Variants in DHX57 observed in about 807,000 individuals in gnomAD.
DHX57 encodes DExH-box helicase 57, also known as putative ATP-dependent RNA helicase DHX57.
DHX57 carries 105 observed loss-of-function variants against 156.2 expected under a neutral mutation model. The observed-to-expected ratio is 0.67, with a 90% CI of 0.57 to 0.79. The LOEUF is 0.79. Among genes scored for constraint, DHX57 ranks in the 30% least tolerant of loss-of-function variants. The pLI, the probability that DHX57 is intolerant of heterozygous loss-of-function variation, is 0.00. For missense variants in DHX57, 1,847 were observed against 1,661.9 expected (o/e 1.11, Z -1.94); for synonymous variants, 704 against 595.6 (o/e 1.18, Z -2.65).
At chr2:38,804,923 T>G (rs1669870107) in intron 22 of DHX57, among the ~76,000 whole-genome samples, 1 of 152,204 alleles carries the variant, frequency 6.6e-6, no homozygotes, top group African/African-American at 2.4e-5. Context: ...TTTATAGCAT[T>G]ACCTGAGATT....
chr2:38,863,888 C>T lies in DHX57; in HGVS notation c.225-369G>A, dbSNP rs1572709603. ...ATTATCTGGGCGTGGCAGTGCGCTCCTGTAATCCTAGCTACTCAGGAGGCT... is the reference window on the plus strand; with the variant it reads ...ATTATCTGGGCGTGGCAGTGCGCTCTTGTAATCCTAGCTACTCAGGAGGCT... On this transcript the variant is annotated intron_variant, in intron 2 of 23. Coordinates refer to ENST00000457308, the MANE Select transcript of DHX57 (RefSeq NM_198963.3). 5.3e-5 allele frequency among the ~76,000 whole-genome samples: 8 copies of T among 152,202 alleles called. 1 individual carries two copies. The highest frequency in any genetic ancestry group is 5.2e-4 in the Admixed American group (8 of 15,288).
intron 8 of DHX57, 109 bp from the exon 9 acceptor site, chr2:38,854,287 G>A: frequency 8.7e-7 from 1 of 1,149,156 alleles, no homozygotes; most frequent in South Asian, 1.6e-5. Flanking sequence ...GGAAACACCA[G>A]CAGTTCCATT....
chr2:38,829,623 T>C (rs1339658418), intron 13 of DHX57, among the ~76,000 whole-genome samples: 1 of 152,136 alleles, frequency 6.6e-6, no homozygotes, highest in Non-Finnish European at 1.5e-5. Context: ...CTCACTATAC[T>C]GCCAAGGATG....
intron 23 of DHX57, among the ~76,000 whole-genome samples, chr2:38,800,218 G>C (rs1669613034): frequency 6.6e-6 from 1 of 151,166 alleles, no homozygotes; most frequent in Admixed American, 6.6e-5. Context: ...GCCGGGCTTG[G>C]TGGTGTACGC....
At chr2:38,810,821 C>A in intron 21 of DHX57, 1 of 745,118 alleles carries the variant, frequency 1.3e-6, no homozygotes, top group South Asian at 1.3e-5. Context: ...ATGGTGCCTG[C>A]TGGGGTCTTG....
chr2:38,868,457 T>C, intron 1 of DHX57, 46 bp from the exon 2 acceptor site: 14 of 1,575,802 alleles, frequency 8.9e-6, no homozygotes, highest in Non-Finnish European at 1.1e-5. Flanking sequence ...ACCAGACATG[T>C]ATGATAATCC....
chr2:38,828,286 T>C (rs978474533), intron 14 of DHX57, 54 bp downstream of exon 14: 5 of 1,390,560 alleles, frequency 3.6e-6, no homozygotes, highest in Non-Finnish European at 5.0e-6. Context: ...GGTGATGATA[T>C]CTTTAGAGGT....
At chr2:38,800,450 ATGT>A (rs1242890914) in intron 23 of DHX57, among the ~76,000 whole-genome samples, 1 of 152,038 alleles carries the variant, frequency 6.6e-6, no homozygotes, top group Non-Finnish European at 1.5e-5. Flanking sequence ...GCTTATGCTG[ATGT>A]TGTGGCACTG....
At chr2:38,827,617 C>T (rs192063686) in intron 14 of DHX57, among the ~76,000 whole-genome samples, 11 of 147,212 alleles carry the variant, frequency 7.5e-5, no homozygotes, top group African/African-American at 2.8e-4. Context: ...AATGATGTAA[C>T]CTCAGAAACT....
intron 22 of DHX57, among the ~76,000 whole-genome samples, chr2:38,806,188 G>A (rs1669927273): frequency 6.6e-6 from 1 of 152,142 alleles, no homozygotes; most frequent in Non-Finnish European, 1.5e-5. Context: ...TGAAGTGGTG[G>A]GGGCAGAAGC....
chr2:38,854,902 A>G (rs1449113393), intron 8 of DHX57, 155 bp downstream of exon 8: 4 of 739,918 alleles, frequency 5.4e-6, no homozygotes, highest in Non-Finnish European at 8.8e-6. Flanking sequence ...ATATTTCTAA[A>G]TATTTAAATA....
In DHX57 at chr2:38,868,322, A is replaced by T; in HGVS notation, c.84T>A (p.Ser28Arg). The change falls in exon 2 of 24, where the codon AGT becomes AGA. Residue 28 changes from serine to arginine, a missense_variant. By Grantham distance (110) the Ser-to-Arg change is moderately radical. Transcript: ENST00000457308. The stretch of plus-strand genomic sequence containing the variant: ...CACTCCCATGAGATTTACTGGCGTG[A>T]CTCCTGCCTCCTCTTCCTCCTCTAG... ...GSSRGGRGGR[S>R]HASKSHGSGG... 6.2e-7 allele frequency: 1 copy of T among 1,608,450 alleles called. No homozygotes were observed. Among genetic ancestry groups the T allele is most frequent in the Non-Finnish European group, 8.5e-7 (1 of 1,177,588 alleles).
At chr2:38,798,712 A>T (rs1297015597) in intron 23 of DHX57, among the ~76,000 whole-genome samples, 1 of 149,154 alleles carries the variant, frequency 6.7e-6, no homozygotes, top group East Asian at 2.0e-4. Context: ...TTGGGAGGCC[A>T]AGGCGGGCGG....
chr2:38,842,938 A>G (rs1038374861), intron 12 of DHX57, 67 bp downstream of exon 12: 4 of 1,537,472 alleles, frequency 2.6e-6, no homozygotes, highest in Middle Eastern at 3.4e-4. Flanking sequence ...CTTCTTCCGA[A>G]TCTTGGTAAG....
chr2:38,843,053 C>A lies in DHX57; in HGVS notation c.2377G>T (p.Val793Leu). The A allele has an allele frequency of 6.2e-7, 1 of 1,614,198 alleles. No individual in the cohort carries two copies. Residue 793 changes from valine (V) to leucine (L), a missense_variant, in exon 12 of 24, where the codon GTG becomes TTG. Physicochemically the swap from Val to Leu is conservative, Grantham distance 32 (BLOSUM62 1). Transcript: ENST00000457308. ...TTAAAATCTAACTGTTGATCTGGCA[C>A]TGCATCTTTGACAGAATCCTGATCC... ...LQDQDSVKDA[V>L]PDQQLDFKQL...
intron 2 of DHX57, among the ~76,000 whole-genome samples, chr2:38,866,731 T>C (rs1489904932): frequency 6.6e-6 from 1 of 152,232 alleles, no homozygotes; most frequent in African/African-American, 2.4e-5. Context: ...ATAATGTCCA[T>C]GTTTTGAAAA....
chr2:38,807,945 CTTTTTTTTT>C lies in DHX57; in HGVS notation c.3682-1261_3682-1253del, dbSNP rs34221239. Among the ~76,000 whole-genome samples, 470 of 54,194 alleles carry C rather than the reference CTTTTTTTTT, an allele frequency of 8.7e-3. 5 individuals carry two copies. Among genetic ancestry groups the C allele is most frequent in the African/African-American group, 0.028 (432 of 15,628 alleles). The allele number at this position is 54,194 out of a possible 152,430, so 35.6% of individuals were successfully genotyped here. ...ACAGGCGTGAGCCACTGTGTCTTGC[CTTTTTTTTT>C]TTTTTTTTTTTTTTTTTTTGAGATG... is the stretch of plus-strand genomic sequence containing the variant. On this transcript the variant is annotated intron_variant, in intron 21 of 23. Coordinates refer to ENST00000457308, the MANE Select transcript of DHX57 (RefSeq NM_198963.3).
intron 20 of DHX57, among the ~76,000 whole-genome samples, chr2:38,814,438 AG>A (rs1670422214): frequency 6.6e-6 from 1 of 152,196 alleles, no homozygotes; most frequent in Non-Finnish European, 1.5e-5. Flanking sequence ...ACCTTTGCAA[AG>A]CGTTACAAAG....
chr2:38,827,005 C>G (rs1368686604), intron 14 of DHX57, among the ~76,000 whole-genome samples: 1 of 152,120 alleles, frequency 6.6e-6, no homozygotes. Context: ...TTGGTGGGCA[C>G]CTGTAATCCC....
Sources: gnomAD v4.1 joint callset for allele counts (sites outside exome capture counted in the v4.1 genomes callset) on GRCh38, gnomAD v4.1.1 for gene constraint, MANE v1.5 for transcripts, NCBI Gene and HGNC (gene_info 2026-07-23, HGNC 2026-07-21) for gene names.